Variants in SCAPER observed in about 807,000 individuals in gnomAD.
SCAPER encodes S-phase cyclin A associated protein in the ER, also known as S phase cyclin A-associated protein in the endoplasmic reticulum.
Under a neutral mutation model 182.2 loss-of-function variants are expected in SCAPER, and 98 were observed. That is an observed-to-expected ratio of 0.54 (90% CI 0.46 to 0.64). The LOEUF is 0.64. Ranked by LOEUF, SCAPER falls within the 30% of genes least tolerant of loss-of-function variation. SCAPER has a pLI of 0.00. For synonymous variants in SCAPER, 605 were observed against 564.6 expected (o/e 1.07, Z -1.01); for missense variants, 1,432 against 1,690.0 (o/e 0.85, Z 2.68).
chr15:76,497,109 C>CTT lies in SCAPER; in HGVS notation c.2954+7748_2954+7749dup, dbSNP rs57202860. 5.2e-4 allele frequency among the ~76,000 whole-genome samples: 45 copies of CTT among 86,718 alleles called. 2 individuals are homozygous for CTT. The highest frequency in any genetic ancestry group is 2.2e-3 in the Admixed American group (15 of 6,932). 56.9% of individuals were successfully genotyped at this position (86,718 alleles called of 152,430 possible). A position where few individuals can be genotyped will look rare whatever the true frequency, so the allele number is the denominator to read the frequency against. On this transcript the variant is annotated intron_variant, in intron 24 of 31. Coordinates refer to ENST00000563290, the MANE Select transcript of SCAPER (RefSeq NM_020843.4). ...TCCCATGAAGCAGTTTTGGTCTCCT[C>CTT]TTTTTTTTTTTTTTTCCCAAAACGG...
chr15:76,766,927 A>G lies in SCAPER; in HGVS notation c.1410T>C (p.Ser470=), dbSNP rs368710144. The part of the protein sequence containing the change: ...NDINIETDND[S]DFSASMGSGS... ...AAGTCTAAAAGCTCACAGAAAAATC[A>G]CTGTCGTTGTCAGTTTCAATGTTAA... Residue 470 remains serine, a synonymous_variant, in exon 11 of 32, where the codon AGT becomes AGC. Transcript: ENST00000563290. The G allele has an allele frequency of 8.8e-6, 14 of 1,586,794 alleles. No homozygotes were observed. The highest frequency in any genetic ancestry group is 1.1e-5 in the Non-Finnish European group (13 of 1,173,216).
intron 4 of SCAPER, among the ~76,000 whole-genome samples, chr15:76,845,128 T>C (rs1719617627): frequency 6.6e-6 from 1 of 152,108 alleles, no homozygotes; most frequent in Non-Finnish European, 1.5e-5. Flanking sequence ...AATCACACAA[T>C]CATTCCAATG....
At chr15:76,881,228 T>C (rs2073514715) in intron 2 of SCAPER, among the ~76,000 whole-genome samples, 1 of 152,220 alleles carries the variant, frequency 6.6e-6, no homozygotes, top group Admixed American at 6.5e-5. Flanking sequence ...CTCATGTAGC[T>C]GGGACTAAAG....
chr15:76,642,696 C>T (rs1018321088), intron 21 of SCAPER, among the ~76,000 whole-genome samples: 2 of 152,244 alleles, frequency 1.3e-5, no homozygotes, highest in East Asian at 3.9e-4. Context: ...TATAGTGGTT[C>T]CTTTCCAAGA....
intron 20 of SCAPER, among the ~76,000 whole-genome samples, chr15:76,673,950 T>TACACACAC (rs1491530396): frequency 2.6e-5 from 2 of 76,970 alleles, no homozygotes; most frequent in South Asian, 4.6e-4. Flanking sequence ...ATAATTTATC[T>TACACACAC]ATACACACAC....
At chr15:76,811,580 C>T (rs933201239) in intron 5 of SCAPER, among the ~76,000 whole-genome samples, 8 of 152,068 alleles carry the variant, frequency 5.3e-5, no homozygotes, top group Admixed American at 2.6e-4. Context: ...CACCTGAAGT[C>T]GGGAGTTCAA....
chr15:76,516,676 T>A (rs2042451740), intron 23 of SCAPER, among the ~76,000 whole-genome samples: 1 of 152,178 alleles, frequency 6.6e-6, no homozygotes, highest in African/African-American at 2.4e-5. Flanking sequence ...AATAAACATA[T>A]GTGTGCATGT....
At chr15:76,666,654 T>G (rs1041273949) in intron 20 of SCAPER, among the ~76,000 whole-genome samples, 1 of 151,958 alleles carries the variant, frequency 6.6e-6, no homozygotes, top group Admixed American at 6.6e-5. Context: ...CAACTTTACA[T>G]TAGTTAATCT....
chr15:76,465,674 T>C (rs965274139), intron 25 of SCAPER, among the ~76,000 whole-genome samples: 11 of 152,178 alleles, frequency 7.2e-5, no homozygotes, highest in African/African-American at 2.4e-4. Context: ...TTTTCCCCTA[T>C]GTTTTAATTT....
intron 10 of SCAPER, among the ~76,000 whole-genome samples, chr15:76,767,858 C>T (rs2151293818): frequency 6.6e-6 from 1 of 151,678 alleles, no homozygotes; most frequent in East Asian, 1.9e-4. Context: ...TATATGTTTC[C>T]TAGAAGGAAA....
At chr15:76,581,439 A>G (rs2048263824) in intron 22 of SCAPER, among the ~76,000 whole-genome samples, 1 of 152,180 alleles carries the variant, frequency 6.6e-6, no homozygotes, top group Non-Finnish European at 1.5e-5. Context: ...ATTCAACAAC[A>G]CATTAAAAAG....
intron 14 of SCAPER, among the ~76,000 whole-genome samples, chr15:76,760,873 T>C (rs2062734614): frequency 6.6e-6 from 1 of 152,206 alleles, no homozygotes; most frequent in South Asian, 2.1e-4. Context: ...ATATAATATT[T>C]CTTATTTCAC....
chr15:76,448,213 T>C (rs2048135098), intron 25 of SCAPER, among the ~76,000 whole-genome samples: 1 of 152,156 alleles, frequency 6.6e-6, no homozygotes, highest in South Asian at 2.1e-4. Context: ...TTTTCATTTT[T>C]TGAAAAATGA....
intron 27 of SCAPER, among the ~76,000 whole-genome samples, chr15:76,388,736 G>A (rs530093926): frequency 5.3e-5 from 8 of 152,166 alleles, no homozygotes; most frequent in South Asian, 4.2e-4. Context: ...TGAGGTGGGC[G>A]GATCATGAGG....
chr15:76,580,711 T>A (rs946034340), intron 22 of SCAPER, among the ~76,000 whole-genome samples: 2 of 151,888 alleles, frequency 1.3e-5, no homozygotes, highest in Non-Finnish European at 2.9e-5. Context: ...ATCAAAGAAG[T>A]AGAAAAACTT....
intron 23 of SCAPER, among the ~76,000 whole-genome samples, chr15:76,563,424 G>C (rs1009297818): frequency 3.3e-5 from 5 of 152,106 alleles, no homozygotes; most frequent in Non-Finnish European, 7.4e-5. Flanking sequence ...AAATCTAGAA[G>C]TGGATAAATT....
At chr15:76,619,300 T>A (rs1426999118) in intron 22 of SCAPER, among the ~76,000 whole-genome samples, 3 of 152,246 alleles carry the variant, frequency 2.0e-5, no homozygotes, top group Non-Finnish European at 4.4e-5. Context: ...TACTAAGTAA[T>A]ACCCCATTGT....
intron 8 of SCAPER, chr15:76,793,112 A>C: frequency 1.7e-6 from 1 of 599,926 alleles, no homozygotes; most frequent in Non-Finnish European, 2.7e-6. Flanking sequence ...GGTTTGGGGA[A>C]GAGAACATTA....
intron 21 of SCAPER, among the ~76,000 whole-genome samples, chr15:76,652,458 C>A (rs1197189260): frequency 1.5e-4 from 17 of 110,820 alleles, no homozygotes; most frequent in South Asian, 3.4e-4. Context: ...TCGAAACCAG[C>A]CTGGCCAACA....
Sources: allele counts gnomAD v4.1 joint callset (sites outside exome capture counted in the v4.1 genomes callset), GRCh38; gene constraint gnomAD v4.1.1; transcripts MANE v1.5; gene names NCBI Gene and HGNC (gene_info 2026-07-23, HGNC 2026-07-21).